COL9A1: variants seen among roughly 807,000 people sequenced by gnomAD.
COL9A1 encodes collagen type IX alpha 1 chain.
Under a neutral mutation model 142.6 loss-of-function variants are expected in COL9A1, and 104 were observed. That is an observed-to-expected ratio of 0.73 (90% CI 0.62 to 0.86). The LOEUF (loss-of-function observed/expected upper bound fraction) is 0.86, where lower values mean the gene tolerates loss of function less well. COL9A1 is among the 40% of genes least tolerant of loss of function. COL9A1 has a pLI of 0.00. For synonymous variants in COL9A1, 466 were observed against 396.0 expected (o/e 1.18, Z -2.10); for missense variants, 1,210 against 1,176.6 (o/e 1.03, Z -0.42).
At chr6:70,302,686 G>T (rs1314555881) in intron 1 of COL9A1, among the ~76,000 whole-genome samples, 1 of 151,288 alleles carries the variant, frequency 6.6e-6, no homozygotes, top group East Asian at 1.9e-4. Context: ...TTTTTCTGTG[G>T]CCGTCACTTT....
chr6:70,278,355 A>G (rs75629309), intron 10 of COL9A1, among the ~76,000 whole-genome samples: 2,749 of 152,318 alleles, frequency 0.018, 77 homozygotes, highest in African/African-American at 0.06. Flanking sequence ...CTTAGCTACT[A>G]AATAGCTCTC....
At chr6:70,263,474 T>C (rs1332755617) in intron 18 of COL9A1, among the ~76,000 whole-genome samples, 177 bp from the exon 19 acceptor site, 1 of 151,966 alleles carries the variant, frequency 6.6e-6, no homozygotes, top group Non-Finnish European at 1.5e-5. Context: ...ATTCAGAAAA[T>C]ACAGAGAAGC....
chr6:70,228,794 C>T (rs1308282761), intron 36 of COL9A1, among the ~76,000 whole-genome samples: 7 of 152,082 alleles, frequency 4.6e-5, no homozygotes, highest in Non-Finnish European at 1.0e-4. Flanking sequence ...TCAGGTTGAA[C>T]TCATATTTAC....
chr6:70,261,745 T>A (rs576392540), intron 19 of COL9A1, among the ~76,000 whole-genome samples: 1 of 152,222 alleles, frequency 6.6e-6, no homozygotes, highest in Non-Finnish European at 1.5e-5. Flanking sequence ...CTTGTGTAGC[T>A]CATTTACTGA....
At chr6:70,257,516 A>AG (rs1443607080) in intron 20 of COL9A1, among the ~76,000 whole-genome samples, 1 of 152,150 alleles carries the variant, frequency 6.6e-6, no homozygotes, top group Non-Finnish European at 1.5e-5. Context: ...ATTAACCGCC[A>AG]GGTGGGGGGA....
chr6:70,252,678 C>T (rs552495357), intron 26 of COL9A1, among the ~76,000 whole-genome samples: 2 of 152,258 alleles, frequency 1.3e-5, no homozygotes, highest in East Asian at 3.9e-4. Flanking sequence ...CTTTCTACCT[C>T]ACATTAAACT....
intron 10 of COL9A1, among the ~76,000 whole-genome samples, chr6:70,275,433 A>T (rs898641366): frequency 2.3e-5 from 3 of 131,766 alleles, no homozygotes; most frequent in African/African-American, 1.1e-4. Context: ...TTAAGTATAT[A>T]TGTTCATGTA....
At chr6:70,292,645 G>A (rs1028690911) in intron 5 of COL9A1, among the ~76,000 whole-genome samples, 1 of 152,100 alleles carries the variant, frequency 6.6e-6, no homozygotes, top group Non-Finnish European at 1.5e-5. Flanking sequence ...GTGTTATAAA[G>A]ACAAGTATTT....
chr6:70,276,410 T>C (rs1039931045), intron 10 of COL9A1, among the ~76,000 whole-genome samples: 80 of 152,150 alleles, frequency 5.3e-4, no homozygotes, highest in African/African-American at 1.9e-3. Flanking sequence ...ACTAACACTC[T>C]TCAACCTGTG....
At chr6:70,268,105 C>G (rs73748224) in intron 17 of COL9A1, among the ~76,000 whole-genome samples, 78 of 152,266 alleles carry the variant, frequency 5.1e-4, no homozygotes, top group African/African-American at 1.8e-3. Flanking sequence ...AGTCTCTTTT[C>G]CTGACTATTT....
At chr6:70,257,603 C>T (rs574748041) in intron 20 of COL9A1, among the ~76,000 whole-genome samples, 4 of 152,152 alleles carry the variant, frequency 2.6e-5, no homozygotes, top group Admixed American at 6.5e-5. Flanking sequence ...AAAAATTAGC[C>T]GGGTCTGTTG....
chr6:70,280,883 G>C lies in COL9A1; in HGVS notation c.913-9C>G, dbSNP rs1381791323. 5.6e-6 allele frequency: 9 copies of C among 1,613,368 alleles called. No individual in the cohort carries two copies. The highest frequency in any genetic ancestry group is 7.6e-6 in the Non-Finnish European group (9 of 1,179,856). ...GGTTCACCTGCAGGACCCTGAGCAG[G>C]GGCAGAAGGGTGCGGGGGCAGGAGA... On this transcript the variant is annotated splice_polypyrimidine_tract_variant and intron_variant, in intron 9 of 37. Transcript: ENST00000357250.
At chr6:70,275,090 TG>T in intron 10 of COL9A1, 1 of 373,496 alleles carries the variant, frequency 2.7e-6, no homozygotes, top group Non-Finnish European at 5.0e-6. Context: ...GCAATTACAA[TG>T]TTGTAATAGC....
intron 28 of COL9A1, among the ~76,000 whole-genome samples, chr6:70,248,236 G>A (rs1422113925): frequency 1.3e-5 from 2 of 152,188 alleles, no homozygotes; most frequent in African/African-American, 4.8e-5. Flanking sequence ...AAACCAAGGG[G>A]AGGGCCATAG....
chr6:70,287,709 C>T (rs1175168026), intron 5 of COL9A1, among the ~76,000 whole-genome samples: 1 of 152,186 alleles, frequency 6.6e-6, no homozygotes. Context: ...CTCAAGATCA[C>T]TCTCTTTGAT....
At chr6:70,292,487 C>T (rs1203049260) in intron 5 of COL9A1, among the ~76,000 whole-genome samples, 2 of 152,136 alleles carry the variant, frequency 1.3e-5, no homozygotes, top group East Asian at 3.8e-4. Flanking sequence ...CCGGTCTCCA[C>T]TGTGATGTGA....
intron 4 of COL9A1, among the ~76,000 whole-genome samples, chr6:70,297,825 C>T (rs1307824181): frequency 2.0e-5 from 3 of 151,240 alleles, no homozygotes; most frequent in African/African-American, 4.9e-5. Flanking sequence ...GAGTGTAAAA[C>T]GATTATGCTT....
At chr6:70,274,656 A>C in intron 11 of COL9A1, 63 bp downstream of exon 11, 1 of 1,338,768 alleles carries the variant, frequency 7.5e-7, no homozygotes, top group Non-Finnish European at 1.1e-6. Context: ...GCTTGCAAAC[A>C]CTGCAATAAA....
chr6:70,293,631 TCACA>T (rs3222430), intron 5 of COL9A1, among the ~76,000 whole-genome samples: 14,924 of 137,662 alleles, frequency 0.11, 1,010 homozygotes, highest in African/African-American at 0.21. Context: ...TCTCTCTCTT[TCACA>T]CACACACACA....
Sources: gnomAD v4.1 joint callset for allele counts (sites outside exome capture counted in the v4.1 genomes callset) on GRCh38, gnomAD v4.1.1 for gene constraint, MANE v1.5 for transcripts, NCBI Gene and HGNC (gene_info 2026-07-23, HGNC 2026-07-21) for gene names.